UGT1A6: variants seen among roughly 807,000 people sequenced by gnomAD.
UGT1A6 encodes UDP glucuronosyltransferase family 1 member A6, also known as UDP-glucuronosyltransferase 1A6.
A neutral mutation model predicts 44.4 loss-of-function variants in UGT1A6; 32 were observed. The ratio of observed to expected loss-of-function variants is 0.72; its 90% CI spans 0.54 to 0.97. The LOEUF is 0.97. Among genes scored for constraint, UGT1A6 ranks in the 50% least tolerant of loss-of-function variants. UGT1A6 has a pLI of 0.00. For missense variants in UGT1A6, 685 were observed against 661.9 expected (o/e 1.03, Z -0.38); for synonymous variants, 238 against 248.5 (o/e 0.96, Z 0.40).
intron 1 of UGT1A6, chr2:233,729,739 A>G (rs1185017331): frequency 1.9e-6 from 3 of 1,613,856 alleles, no homozygotes; most frequent in East Asian, 4.5e-5. Context: ...TTCAGACCAC[A>G]TGACATTCAT....
At chr2:233,717,896 G>T (rs1418345167) in intron 1 of UGT1A6, 1 of 454,828 alleles carries the variant, frequency 2.2e-6, no homozygotes, top group South Asian at 1.6e-5. Flanking sequence ...ATAATCTTCA[G>T]GATGAAATAA....
chr2:233,760,962 G>C, intron 1 of UGT1A6: 1 of 1,614,152 alleles, frequency 6.2e-7, no homozygotes, highest in Non-Finnish European at 8.5e-7. Flanking sequence ...TGTGCGACGT[G>C]GTTTATTCCC....
chr2:233,732,918 G>A (rs1288769205), intron 1 of UGT1A6, among the ~76,000 whole-genome samples: 3 of 151,996 alleles, frequency 2.0e-5, no homozygotes, highest in Non-Finnish European at 2.9e-5. Flanking sequence ...CCATTTTCAC[G>A]ATATTGATTC....
At chr2:233,739,280 A>G (rs1046520383) in intron 1 of UGT1A6, among the ~76,000 whole-genome samples, 11 of 152,210 alleles carry the variant, frequency 7.2e-5, no homozygotes, top group African/African-American at 2.7e-4. Context: ...GCCCCCACAC[A>G]GAGTCTCCAC....
At chr2:233,711,742 C>A (rs1575496526) in intron 1 of UGT1A6, among the ~76,000 whole-genome samples, 1 of 152,196 alleles carries the variant, frequency 6.6e-6, no homozygotes. Context: ...GCAGACACGG[C>A]CAGGCATGTA....
intron 1 of UGT1A6, chr2:233,754,697 C>T (rs1559399199): frequency 1.4e-5 from 7 of 503,130 alleles, no homozygotes; most frequent in Admixed American, 1.2e-4. Flanking sequence ...CAGTGGAAGT[C>T]GACATGGACT....
At chr2:233,711,532 G>A (rs1296354324) in intron 1 of UGT1A6, among the ~76,000 whole-genome samples, 12 of 152,124 alleles carry the variant, frequency 7.9e-5, no homozygotes, top group Admixed American at 7.2e-4. Context: ...ACAACTCCCC[G>A]GGAATCATCC....
intron 1 of UGT1A6, among the ~76,000 whole-genome samples, chr2:233,758,813 G>T (rs1033516774): frequency 6.6e-6 from 1 of 152,176 alleles, no homozygotes; most frequent in Non-Finnish European, 1.5e-5. Context: ...TAGTACAGCA[G>T]TATATCCCCC....
At chr2:233,721,815 AC>A in intron 1 of UGT1A6, 1 of 515,300 alleles carries the variant, frequency 1.9e-6, no homozygotes. Context: ...AAAATCCAGC[AC>A]CCTATTTGGG....
intron 1 of UGT1A6, chr2:233,747,953 T>A (rs1693820704): frequency 6.2e-7 from 1 of 1,613,400 alleles, no homozygotes; most frequent in Admixed American, 1.7e-5. Flanking sequence ...CAGTGGTGGA[T>A]CTTCTCAGCC....
At chr2:233,737,333 A>G (rs1343218207) in intron 1 of UGT1A6, among the ~76,000 whole-genome samples, 1 of 152,246 alleles carries the variant, frequency 6.6e-6, no homozygotes, top group Non-Finnish European at 1.5e-5. Context: ...AGCAGTGAGC[A>G]AGGCTCCGTG....
chr2:233,719,570 C>T (rs1385911118), intron 1 of UGT1A6: 16 of 1,613,822 alleles, frequency 9.9e-6, no homozygotes, highest in African/African-American at 1.3e-5. Flanking sequence ...ATCTTGTCAG[C>T]TATGCATCCG....
At chr2:233,750,052 T>C (rs1170416516) in intron 1 of UGT1A6, among the ~76,000 whole-genome samples, 1 of 151,744 alleles carries the variant, frequency 6.6e-6, no homozygotes, top group Non-Finnish European at 1.5e-5. Context: ...AATGTGGAAG[T>C]GACTTTGGAA....
At chr2:233,760,765 G>A (rs764212365) in intron 1 of UGT1A6, 4 of 1,614,012 alleles carry the variant, frequency 2.5e-6, no homozygotes, top group Non-Finnish European at 3.4e-6. Flanking sequence ...CAGCCCCATC[G>A]TGGCCCAGTA....
chr2:233,693,561 C>T lies in UGT1A6; in HGVS notation c.557C>T (p.Pro186Leu), dbSNP rs751053554. 6.2e-7 allele frequency: 1 copy of T among 1,614,208 alleles called. No individual in the cohort carries two copies. Among genetic ancestry groups the T allele is most frequent in the Non-Finnish European group, 8.5e-7 (1 of 1,180,020 alleles). ...CSLEHTFSRS[P>L]DPVSYIPRCY... ...CTGGAGCATACATTCAGCAGAAGCC[C>T]AGACCCTGTGTCCTACATTCCCAGG... The change falls in exon 1 of 5, where the codon CCA becomes CTA. Residue 186 changes from proline to leucine, a missense_variant. By Grantham distance (98) the Pro-to-Leu change is moderately conservative. Transcript: ENST00000305139.
intron 1 of UGT1A6, among the ~76,000 whole-genome samples, chr2:233,696,367 C>T (rs2075340033): frequency 1.3e-5 from 2 of 151,946 alleles, no homozygotes; most frequent in Admixed American, 1.3e-4. Flanking sequence ...AAATTTATTC[C>T]TAGGTATTAT....
At chr2:233,712,231 G>A (rs2076220383) in intron 1 of UGT1A6, among the ~76,000 whole-genome samples, 1 of 152,202 alleles carries the variant, frequency 6.6e-6, no homozygotes, top group African/African-American at 2.4e-5. Context: ...AACCCACCAT[G>A]GGTCTTTGCT....
chr2:233,727,541 C>A (rs1316411121), intron 1 of UGT1A6, among the ~76,000 whole-genome samples: 2 of 152,166 alleles, frequency 1.3e-5, no homozygotes, highest in Non-Finnish European at 2.9e-5. Context: ...GCGTGTTCCA[C>A]CCGTCACCTG....
intron 1 of UGT1A6, chr2:233,753,738 G>A (rs1695291371): frequency 6.6e-6 from 1 of 152,194 alleles, no homozygotes. Flanking sequence ...CCCAAGCACA[G>A]CAATAGGACA....
Sources: gnomAD v4.1 joint callset for allele counts (sites outside exome capture counted in the v4.1 genomes callset) on GRCh38, gnomAD v4.1.1 for gene constraint, MANE v1.5 for transcripts, NCBI Gene and HGNC (gene_info 2026-07-23, HGNC 2026-07-21) for gene names.